WWOX: variants seen among roughly 807,000 people sequenced by gnomAD.
WWOX encodes WW domain-containing oxidoreductase.
In WWOX, 69 loss-of-function variants were observed where a neutral mutation model predicts 46.2. The ratio of observed to expected loss-of-function variants is 1.49; its 90% CI spans 1.23 to 1.82. The LOEUF (loss-of-function observed/expected upper bound fraction) is 1.82. WWOX is among the 40% of genes most tolerant of loss of function. The pLI, the probability that WWOX is intolerant of heterozygous loss-of-function variation, is 0.00. For synonymous variants in WWOX, 359 were observed against 202.6 expected, an observed-to-expected ratio of 1.77 and a Z score of -6.56; for missense variants, 919 against 542.6, an observed-to-expected ratio of 1.69 and a Z score of -6.89.
intron 5 of WWOX, among the ~76,000 whole-genome samples, chr16:78,347,351 C>G (rs1362593258): frequency 8.5e-6 from 1 of 117,884 alleles, no homozygotes; most frequent in East Asian, 1.9e-4. Context: ...AATATGACTC[C>G]TGTATCCATA....
chr16:79,199,434 C>G (rs935406513), intron 8 of WWOX, among the ~76,000 whole-genome samples: 2 of 152,296 alleles, frequency 1.3e-5, no homozygotes, highest in African/African-American at 4.8e-5. Context: ...AAGGTGGACC[C>G]TCACAGAAAG....
chr16:78,130,353 G>C (rs902589294), intron 4 of WWOX, among the ~76,000 whole-genome samples: 1 of 152,152 alleles, frequency 6.6e-6, no homozygotes, highest in Admixed American at 6.5e-5. Context: ...GAACACAGTG[G>C]GAAGGCAGCC....
chr16:78,386,525 C>T (rs906162534), intron 5 of WWOX, among the ~76,000 whole-genome samples: 1 of 152,086 alleles, frequency 6.6e-6, no homozygotes, highest in African/African-American at 2.4e-5. Flanking sequence ...CGTGCATTCC[C>T]CTCCTTACAG....
intron 8 of WWOX, among the ~76,000 whole-genome samples, chr16:78,929,871 C>G (rs982784): frequency 6.6e-6 from 1 of 152,198 alleles, no homozygotes; most frequent in Admixed American, 6.5e-5. Context: ...CCTTTTTACC[C>G]AGTATCTAGC....
At chr16:78,625,692 A>C (rs2046295609) in intron 8 of WWOX, among the ~76,000 whole-genome samples, 1 of 151,372 alleles carries the variant, frequency 6.6e-6, no homozygotes, top group Non-Finnish European at 1.5e-5. Context: ...GGTTGGTGCA[A>C]AAGTAAATGT....
chr16:79,086,698 T>A (rs114576839), intron 8 of WWOX, among the ~76,000 whole-genome samples: 1 of 151,994 alleles, frequency 6.6e-6, no homozygotes, highest in Non-Finnish European at 1.5e-5. Flanking sequence ...TTGGGCAACA[T>A]AGGGAGACTC....
intron 8 of WWOX, among the ~76,000 whole-genome samples, chr16:78,504,665 C>A (rs1052856550): frequency 6.6e-6 from 1 of 152,136 alleles, no homozygotes; most frequent in South Asian, 2.1e-4. Flanking sequence ...ATCCTGAACA[C>A]ATCTCTGTGC....
chr16:78,774,926 T>C (rs368447210), intron 8 of WWOX, among the ~76,000 whole-genome samples: 4 of 152,146 alleles, frequency 2.6e-5, no homozygotes, highest in African/African-American at 9.7e-5. Context: ...ATAGCACTCA[T>C]GGACAGCATG....
At chr16:78,319,395 G>T (rs749577910) in intron 5 of WWOX, among the ~76,000 whole-genome samples, 2 of 151,938 alleles carry the variant, frequency 1.3e-5, no homozygotes, top group African/African-American at 4.8e-5. Context: ...TAAGTAGCTG[G>T]GACTACAGTG....
At chr16:79,007,876 A>G (rs1264145484) in intron 8 of WWOX, among the ~76,000 whole-genome samples, 1 of 152,210 alleles carries the variant, frequency 6.6e-6, no homozygotes, top group Non-Finnish European at 1.5e-5. Context: ...CCCTTTACAA[A>G]GCACTGTGCA....
intron 8 of WWOX, 22 bp from the exon 9 acceptor site, chr16:79,211,584 TTG>T: frequency 6.2e-7 from 1 of 1,614,092 alleles, no homozygotes; most frequent in Non-Finnish European, 8.5e-7. Context: ...AAATTTTTTT[TTG>T]TCTTTCTTCT....
chr16:78,476,674 C>A (rs926275915), intron 8 of WWOX, among the ~76,000 whole-genome samples: 2 of 151,982 alleles, frequency 1.3e-5, no homozygotes, highest in Admixed American at 1.3e-4. Context: ...GACCCGTCCC[C>A]CATGATCACA....
intron 8 of WWOX, among the ~76,000 whole-genome samples, chr16:78,588,990 T>C (rs11862167): frequency 0.24 from 36,833 of 152,094 alleles, 5,268 homozygotes; most frequent in African/African-American, 0.38. Context: ...TTGCTGGGAA[T>C]GTGGCCATCA....
At chr16:79,012,371 T>A (rs2047328093) in intron 8 of WWOX, among the ~76,000 whole-genome samples, 1 of 152,112 alleles carries the variant, frequency 6.6e-6, no homozygotes, top group African/African-American at 2.4e-5. Flanking sequence ...TAGCTGAGAT[T>A]ACAGGTGTCT....
At chr16:78,485,890 G>C (rs879255920) in intron 8 of WWOX, among the ~76,000 whole-genome samples, 1 of 152,188 alleles carries the variant, frequency 6.6e-6, no homozygotes, top group African/African-American at 2.4e-5. Flanking sequence ...GGCGACAAAG[G>C]CCTAAAGGGC....
intron 5 of WWOX, among the ~76,000 whole-genome samples, chr16:78,355,100 C>T (rs1250902449): frequency 2.0e-5 from 3 of 151,498 alleles, no homozygotes; most frequent in Non-Finnish European, 4.4e-5. Flanking sequence ...CCACTGCACT[C>T]CAGCCTGGGT....
intron 8 of WWOX, among the ~76,000 whole-genome samples, chr16:78,920,920 C>G (rs2045363580): frequency 6.6e-6 from 1 of 152,174 alleles, no homozygotes; most frequent in South Asian, 2.1e-4. Context: ...GACTTTCAAA[C>G]TGCTCTCACT....
intron 8 of WWOX, among the ~76,000 whole-genome samples, chr16:79,098,745 T>C (rs2049129612): frequency 6.6e-6 from 1 of 152,226 alleles, no homozygotes; most frequent in Non-Finnish European, 1.5e-5. Flanking sequence ...ATAACCCAGA[T>C]ACACTTTGTT....
In WWOX at chr16:78,564,292, G is replaced by T. The variant is rs567876819; in HGVS notation, c.1056+131540G>T. ...ACTCTTCGGGAGCTGTTGTAAAGAA[G>T]TAAAATGTGTAGTGTTTGCCCTTTT... On this transcript the variant is annotated intron_variant, in intron 8 of 8. Coordinates refer to ENST00000566780, the MANE Select transcript of WWOX (RefSeq NM_016373.4). 2.6e-5 allele frequency among the ~76,000 whole-genome samples: 4 copies of T among 152,366 alleles called. No individual in the cohort carries two copies. The South Asian group carries it at 8.3e-4, about 32-fold the overall frequency.
Sources: allele counts gnomAD v4.1 joint callset (sites outside exome capture counted in the v4.1 genomes callset), GRCh38; gene constraint gnomAD v4.1.1; transcripts MANE v1.5; gene names NCBI Gene and HGNC (gene_info 2026-07-23, HGNC 2026-07-21).